CIMAP1D: variants seen among roughly 807,000 people sequenced by gnomAD.
CIMAP1D encodes the protein protein CIMAP1D.
At chr19:486,306 G>A in the CIMAP1D span, among the ~76,000 whole-genome samples, 5 of 152,232 alleles carry the variant, frequency 3.3e-5, no homozygotes, top group East Asian at 3.9e-4. Flanking sequence ...TGGTCCCTCC[G>A]GACTCAGCCT....
the CIMAP1D span, among the ~76,000 whole-genome samples, chr19:486,423 A>ATTGATTGC: frequency 1.3e-5 from 2 of 151,702 alleles, no homozygotes; most frequent in East Asian, 2.0e-4. Flanking sequence ...TGGACCACTG[A>ATTGATTGC]TTGATTGATT....
At chr19:474,838 G>A in the CIMAP1D span, 10 of 1,138,842 alleles carry the variant, frequency 8.8e-6, no homozygotes, top group Admixed American at 1.8e-4. Flanking sequence ...CCCAGGCACC[G>A]TCCCCACCTT....
chr19:484,560 G>T, the CIMAP1D span, among the ~76,000 whole-genome samples: 1 of 152,234 alleles, frequency 6.6e-6, no homozygotes, highest in South Asian at 2.1e-4. Context: ...GGCCAGGAAG[G>T]CCCCCTGAAG....
chr19:474,805 G>A, the CIMAP1D span: 31 of 1,353,570 alleles, frequency 2.3e-5, no homozygotes, highest in African/African-American at 5.9e-5. Flanking sequence ...CTTCTGAGCC[G>A]CAGCAGCTCT....
At chr19:471,799 G>C in the CIMAP1D span, among the ~76,000 whole-genome samples, 1 of 151,138 alleles carries the variant, frequency 6.6e-6, no homozygotes, top group Non-Finnish European at 1.5e-5. Context: ...CTGGAGTGCA[G>C]TGGCGCCATC....
At chr19:491,360 A>C in the CIMAP1D span, among the ~76,000 whole-genome samples, 1 of 152,148 alleles carries the variant, frequency 6.6e-6, no homozygotes, top group Non-Finnish European at 1.5e-5. Flanking sequence ...TCTAGTCTCA[A>C]ACCCGGCGAG....
the CIMAP1D span, among the ~76,000 whole-genome samples, chr19:469,223 C>CT: frequency 0.012 from 1,771 of 143,478 alleles, 16 homozygotes; most frequent in South Asian, 0.037. Flanking sequence ...TGGGGAGATT[C>CT]TTTTTTTTTT....
chr19:464,271 C>T, the CIMAP1D span: 27 of 1,537,934 alleles, frequency 1.8e-5, no homozygotes, highest in Admixed American at 4.5e-4. Flanking sequence ...CAGGGGGAGG[C>T]GGCAGCCCAG....
the CIMAP1D span, chr19:489,144 G>C: frequency 6.7e-6 from 1 of 148,178 alleles, no homozygotes; most frequent in Non-Finnish European, 1.5e-5. Context: ...GGCGGGGTGG[G>C]TGCGCGCGCA....
At chr19:476,037 C>A in the CIMAP1D span, among the ~76,000 whole-genome samples, 18 of 141,624 alleles carry the variant, frequency 1.3e-4, 1 homozygote, top group East Asian at 2.9e-3. Context: ...CTTGCTCCCC[C>A]GCCCAGGCTG....
At chr19:481,901 G>C in the CIMAP1D span, among the ~76,000 whole-genome samples, 1 of 151,434 alleles carries the variant, frequency 6.6e-6, no homozygotes. Flanking sequence ...TCAGCCTCTG[G>C]AGTAGCTAGG....
the CIMAP1D span, among the ~76,000 whole-genome samples, chr19:473,728 A>C: frequency 2.2e-5 from 1 of 45,594 alleles, no homozygotes; most frequent in Admixed American, 2.6e-4. Context: ...GAGATACACG[A>C]TCACAGATGG....
the CIMAP1D span, among the ~76,000 whole-genome samples, chr19:481,699 C>G: frequency 6.6e-6 from 1 of 151,780 alleles, no homozygotes; most frequent in East Asian, 1.9e-4. Context: ...CTTCACCAAG[C>G]TCATGGTGTA....
the CIMAP1D span, chr19:474,974 G>A: frequency 6.1e-5 from 25 of 409,364 alleles, no homozygotes; most frequent in South Asian, 1.6e-4. Context: ...AAGTGGGGCC[G>A]GGATCGAGTG....
At chr19:478,404 G>T in the CIMAP1D span, among the ~76,000 whole-genome samples, 2 of 152,266 alleles carry the variant, frequency 1.3e-5, no homozygotes, top group Admixed American at 1.3e-4. Flanking sequence ...ATTTTACGTG[G>T]GGTGGAACCA....
At chr19:481,770 CT>C in the CIMAP1D span, among the ~76,000 whole-genome samples, 75,770 of 106,592 alleles carry the variant, frequency 0.71, 26,557 homozygotes, top group Non-Finnish European at 0.79. Context: ...GAACCTCCTA[CT>C]TTTTTTTTTT....
the CIMAP1D span, among the ~76,000 whole-genome samples, chr19:478,548 C>T: frequency 2.6e-5 from 4 of 152,262 alleles, no homozygotes; most frequent in Admixed American, 2.0e-4. Context: ...CTGATCTGAT[C>T]GCACCAGATT....
At chr19:467,881 T>G in the CIMAP1D span, 1 of 641,856 alleles carries the variant, frequency 1.6e-6, no homozygotes, top group Non-Finnish European at 2.7e-6. Context: ...GCCACCCCAG[T>G]CCCATCTCGG....
chr19:476,858 G>A, the CIMAP1D span, among the ~76,000 whole-genome samples: 1 of 152,216 alleles, frequency 6.6e-6, no homozygotes, highest in African/African-American at 2.4e-5. Flanking sequence ...ATTAAACTGT[G>A]TAGGATGCAG....
Sources: allele counts gnomAD v4.1 joint callset (sites outside exome capture counted in the v4.1 genomes callset), GRCh38; gene constraint gnomAD v4.1.1; transcripts MANE v1.5; gene names NCBI Gene and HGNC (gene_info 2026-07-23, HGNC 2026-07-21).